Variants in SNX13 observed in about 807,000 individuals in gnomAD.
The protein encoded by SNX13 is sorting nexin-13.
Under a neutral mutation model 133.6 loss-of-function variants are expected in SNX13, and 45 were observed. The observed-to-expected ratio is 0.34, with a 90% CI of 0.27 to 0.43. The LOEUF is 0.43. Ranked by LOEUF, SNX13 falls within the 20% of genes least tolerant of loss-of-function variation. The pLI, the probability that SNX13 is intolerant of heterozygous loss-of-function variation, is 1.00. For missense variants in SNX13, 1,032 were observed against 1,145.1 expected (o/e 0.90, Z 1.43); for synonymous variants, 414 against 373.9 (o/e 1.11, Z -1.24).
rs6978525 is a variant in SNX13, at chr7:17,821,327, A to G, written c.1845+182T>C. ...TAGTCCATGATGGTTAGGACTGAGG[A>G]AGTGTTCAACATTTGATTTACTGGT... On this transcript the variant is annotated intron_variant, in intron 18 of 25. Transcript: ENST00000428135. Among the ~76,000 whole-genome samples, 559 of 152,328 alleles carry G rather than the reference A, an allele frequency of 3.7e-3. 5 individuals are homozygous for G. Among genetic ancestry groups the G allele is most frequent in the African/African-American group, 0.013 (534 of 41,576 alleles).
intron 8 of SNX13, among the ~76,000 whole-genome samples, chr7:17,871,940 T>A (rs964947235): frequency 1.3e-5 from 2 of 152,082 alleles, no homozygotes; most frequent in South Asian, 4.1e-4. Flanking sequence ...TACTAGATGA[T>A]CATACCACTT....
intron 13 of SNX13, 53 bp downstream of exon 13, chr7:17,839,754 A>C: frequency 6.9e-7 from 1 of 1,457,364 alleles, no homozygotes; most frequent in Non-Finnish European, 9.2e-7. Flanking sequence ...GGATTACAAA[A>C]ATTATTAATA....
In SNX13 at chr7:17,814,867, G is replaced by A. The variant is rs2128297605; in HGVS notation, c.2031C>T (p.Ala677=). 6.4e-7 allele frequency: 1 copy of A among 1,555,352 alleles called. No individual in the cohort carries two copies. Among genetic ancestry groups the A allele is most frequent in the Admixed American group, 2.0e-5 (1 of 49,648 alleles). ...HYVYDFLENK[A]YSKGKGDFAR... The stretch of plus-strand genomic sequence containing the variant: ...CAAAATCCCCTTTTCCTTTACTGTA[G>A]GCTTTGTTCTCAAGGAAATCATACA... The change falls in exon 20 of 26, where the codon GCC becomes GCT. Residue 677 remains alanine (A), a synonymous_variant. Transcript: ENST00000428135.
At chr7:17,826,861 C>T (rs1787967476) in intron 16 of SNX13, among the ~76,000 whole-genome samples, 1 of 152,070 alleles carries the variant, frequency 6.6e-6, no homozygotes, top group Non-Finnish European at 1.5e-5. Context: ...AAGCAGGCTG[C>T]AGAGTTAACA....
intron 12 of SNX13, among the ~76,000 whole-genome samples, chr7:17,843,084 T>C (rs1790095019): frequency 6.6e-6 from 1 of 152,012 alleles, no homozygotes; most frequent in South Asian, 2.1e-4. Context: ...AACTCTTTCC[T>C]TATAAATAAT....
At chr7:17,888,502 C>T in intron 5 of SNX13, 1 of 211,626 alleles carries the variant, frequency 4.7e-6, no homozygotes, top group Non-Finnish European at 9.8e-6. Context: ...GAAAAAATAC[C>T]AAACTTAAGA....
rs151275618 is a variant in SNX13 at position 17,886,888 on chromosome 7, G to A, written c.440+3475C>T. Reference sequence around the variant, plus strand: ...TCACTCTATCGCTACATGACAAACCGCTCTCAATACCACAGAAATGATTGT... The same window carrying A: ...TCACTCTATCGCTACATGACAAACCACTCTCAATACCACAGAAATGATTGT... On this transcript the variant is annotated intron_variant, in intron 5 of 25. Coordinates refer to ENST00000428135, the MANE Select transcript of SNX13 (RefSeq NM_015132.5). 2.4e-3 allele frequency among the ~76,000 whole-genome samples: 355 copies of A among 150,452 alleles called. 2 individuals are homozygous for A. Among genetic ancestry groups the A allele is most frequent in the Middle Eastern group, 0.01 (3 of 288 alleles).
intron 18 of SNX13, among the ~76,000 whole-genome samples, chr7:17,816,624 T>C (rs975680163): frequency 2.4e-4 from 37 of 151,864 alleles, no homozygotes; most frequent in African/African-American, 7.5e-4. Context: ...GAGTGTGCCA[T>C]TGCACTCCAG....
At chr7:17,917,491 T>A (rs1316680349) in intron 1 of SNX13, among the ~76,000 whole-genome samples, 5 of 152,016 alleles carry the variant, frequency 3.3e-5, no homozygotes, top group African/African-American at 1.2e-4. Flanking sequence ...ATATTATTTC[T>A]ATAGACCAAT....
intron 1 of SNX13, among the ~76,000 whole-genome samples, chr7:17,928,349 G>C (rs1440301948): frequency 6.6e-6 from 1 of 152,078 alleles, no homozygotes; most frequent in African/African-American, 2.4e-5. Context: ...TATATATTAA[G>C]TGCTTACAGT....
chr7:17,805,254 T>TGTGC (rs537620797), intron 20 of SNX13, among the ~76,000 whole-genome samples: 2,877 of 132,396 alleles, frequency 0.022, 94 homozygotes, highest in East Asian at 0.073. Context: ...TGTGTGTGCG[T>TGTGC]GCGCGCGCGC....
chr7:17,851,050 G>T (rs1277014473), intron 9 of SNX13, 86 bp from the exon 10 acceptor site: 2 of 1,383,636 alleles, frequency 1.4e-6, no homozygotes, highest in Non-Finnish European at 2.0e-6. Context: ...CTATGTGCTA[G>T]GACAATTTGC....
intron 8 of SNX13, among the ~76,000 whole-genome samples, chr7:17,868,924 G>A (rs1241255446): frequency 1.3e-5 from 2 of 151,966 alleles, no homozygotes; most frequent in Non-Finnish European, 2.9e-5. Context: ...TATCAACACT[G>A]GTTACATCTA....
intron 24 of SNX13, among the ~76,000 whole-genome samples, 158 bp downstream of exon 24, chr7:17,798,532 C>G (rs140314905): frequency 2.0e-5 from 3 of 151,900 alleles, no homozygotes; most frequent in African/African-American, 7.2e-5. Context: ...GTTCATAAGA[C>G]AAATGTTTAG....
intron 18 of SNX13, among the ~76,000 whole-genome samples, chr7:17,817,340 TCAAA>T (rs1388043688): frequency 6.6e-6 from 1 of 152,228 alleles, no homozygotes; most frequent in African/African-American, 2.4e-5. Context: ...GTGCTGAAAT[TCAAA>T]CAGCCTTACC....
intron 20 of SNX13, among the ~76,000 whole-genome samples, chr7:17,805,051 C>T (rs1350462744): frequency 6.6e-6 from 1 of 152,092 alleles, no homozygotes; most frequent in Non-Finnish European, 1.5e-5. Context: ...ATATGCTTGA[C>T]GGAACATCCA....
At chr7:17,923,859 G>A (rs1312459436) in intron 1 of SNX13, among the ~76,000 whole-genome samples, 5 of 152,018 alleles carry the variant, frequency 3.3e-5, no homozygotes, top group African/African-American at 1.2e-4. Flanking sequence ...ATTCGACACT[G>A]CTACAAAGTA....
Position 17,861,859 on chromosome 7 carries a change from T to G in SNX13, c.837+6548A>C, listed in dbSNP as rs137933975. 2.2e-4 allele frequency among the ~76,000 whole-genome samples: 33 copies of G among 152,284 alleles called. No homozygotes were observed. The East Asian group carries it at 6.4e-3, about 29-fold the overall frequency. On this transcript the variant is annotated intron_variant, in intron 9 of 25. Coordinates refer to ENST00000428135, the MANE Select transcript of SNX13 (RefSeq NM_015132.5). ...AAGTGCCCACTTGGGTCTCTTCCAGTGTACTTTCCTTTCTTTCCTGCTATA... is the reference window on the plus strand; with the variant it reads ...AAGTGCCCACTTGGGTCTCTTCCAGGGTACTTTCCTTTCTTTCCTGCTATA...
intron 9 of SNX13, among the ~76,000 whole-genome samples, chr7:17,853,431 C>T (rs1373884944): frequency 1.3e-5 from 2 of 151,912 alleles, no homozygotes; most frequent in Non-Finnish European, 2.9e-5. Context: ...TGTAAAAGTA[C>T]AAGACTATGT....
Sources: gnomAD v4.1 joint callset for allele counts (sites outside exome capture counted in the v4.1 genomes callset) on GRCh38, gnomAD v4.1.1 for gene constraint, MANE v1.5 for transcripts, NCBI Gene and HGNC (gene_info 2026-07-23, HGNC 2026-07-21) for gene names.